The following RERE variants were observed in gnomAD, a reference collection of about 807,000 sequenced individuals.
RERE encodes arginine-glutamic acid dipeptide repeats protein.
In RERE, 40 loss-of-function variants were observed where a neutral mutation model predicts 146.1. The observed-to-expected ratio is 0.27, with a 90% CI of 0.21 to 0.36. RERE has a LOEUF of 0.36. RERE is among the 10% of genes least tolerant of loss of function. The pLI, the probability that RERE is intolerant of heterozygous loss-of-function variation, is 1.00. For synonymous variants in RERE, 1,003 were observed against 866.0 expected, an observed-to-expected ratio of 1.16 and a Z score of -2.78; for missense variants, 1,933 against 2,138.7, an observed-to-expected ratio of 0.90 and a Z score of 1.90.
intron 1 of RERE, among the ~76,000 whole-genome samples, chr1:8,812,908 C>T (rs1005602074): frequency 5.3e-5 from 8 of 151,840 alleles, no homozygotes; most frequent in Admixed American, 5.3e-4. Context: ...AATGTTCTAA[C>T]ACATATTTAA....
At position 8,556,465 on chromosome 1, in the gene RERE, C is replaced by T. The variant is rs1327786778; in HGVS notation, c.725+10G>A. ...TCCTTCACATGGAAGAGCACGTCTC[C>T]AGTACTTACCTAAGGGCAGCAGCAT... On this transcript the variant is annotated intron_variant, in intron 6 of 22. Coordinates refer to ENST00000400908, the MANE Select transcript of RERE (RefSeq NM_001042681.2). The T allele has an allele frequency of 1.3e-6, 2 of 1,523,160 alleles. No homozygotes were observed. Among genetic ancestry groups the T allele is most frequent in the South Asian group, 1.1e-5 (1 of 89,270 alleles). 94.4% of individuals were successfully genotyped at this position (1,523,160 alleles called of 1,614,324 possible). A position where few individuals can be genotyped will look rare whatever the true frequency, so the allele number is the denominator to read the frequency against.
chr1:8,635,773 G>C (rs1010135156), intron 2 of RERE, among the ~76,000 whole-genome samples: 6 of 152,040 alleles, frequency 3.9e-5, no homozygotes, highest in Non-Finnish European at 5.9e-5. Context: ...ATAAGGAAAA[G>C]AATCATAATC....
intron 7 of RERE, among the ~76,000 whole-genome samples, chr1:8,515,697 T>C (rs1645405078): frequency 6.6e-6 from 1 of 152,038 alleles, no homozygotes; most frequent in African/African-American, 2.4e-5. Flanking sequence ...TGCTTGGATG[T>C]ACAATGCTGC....
chr1:8,547,723 A>G (rs369106180), intron 6 of RERE, among the ~76,000 whole-genome samples: 5 of 152,232 alleles, frequency 3.3e-5, no homozygotes, highest in Admixed American at 6.5e-5. Flanking sequence ...AAGACAAAAC[A>G]TTCTATTAGG....
At chr1:8,755,457 A>C (rs570402964) in intron 1 of RERE, among the ~76,000 whole-genome samples, 8 of 152,148 alleles carry the variant, frequency 5.3e-5, no homozygotes, top group Non-Finnish European at 7.4e-5. Context: ...TTGTTTATAC[A>C]AGTTGGGGGG....
intron 11 of RERE, among the ~76,000 whole-genome samples, chr1:8,437,491 A>G (rs1351903589): frequency 6.6e-6 from 1 of 151,578 alleles, no homozygotes; most frequent in African/African-American, 2.4e-5. Context: ...CAGGATGGCT[A>G]TCCCCATGCA....
At chr1:8,522,788 G>A (rs866159593) in intron 7 of RERE, among the ~76,000 whole-genome samples, 7 of 151,570 alleles carry the variant, frequency 4.6e-5, no homozygotes, top group African/African-American at 1.5e-4. Context: ...CAGGCAAATC[G>A]CTTGAACCCA....
At chr1:8,786,235 C>T in intron 1 of RERE, 1 of 946,638 alleles carries the variant, frequency 1.1e-6, no homozygotes, top group Admixed American at 1.7e-5. Flanking sequence ...ATCTGGTCCT[C>T]CCTGTTGCCA....
At chr1:8,767,046 G>A (rs745763195) in intron 1 of RERE, among the ~76,000 whole-genome samples, 4 of 152,124 alleles carry the variant, frequency 2.6e-5, no homozygotes, top group African/African-American at 4.8e-5. Context: ...AGACTAATAT[G>A]ATTTATAAAC....
At chr1:8,796,022 G>A in intron 1 of RERE, among the ~76,000 whole-genome samples, 1 of 148,334 alleles carries the variant, frequency 6.7e-6, no homozygotes, top group Admixed American at 6.7e-5. Context: ...GAATTATGTA[G>A]CATATATAAA....
At chr1:8,642,949 T>C (rs1420966547) in intron 2 of RERE, among the ~76,000 whole-genome samples, 4 of 152,202 alleles carry the variant, frequency 2.6e-5, no homozygotes, top group Admixed American at 6.5e-5. Flanking sequence ...CCTGCGCTAA[T>C]AGGTATCTAG....
intron 1 of RERE, among the ~76,000 whole-genome samples, chr1:8,695,836 C>T (rs952795386): frequency 6.6e-6 from 1 of 152,036 alleles, no homozygotes; most frequent in Non-Finnish European, 1.5e-5. Flanking sequence ...ATGCATCTGA[C>T]AAAGGTCTAA....
intron 1 of RERE, among the ~76,000 whole-genome samples, chr1:8,723,422 A>G (rs1263000303): frequency 6.6e-6 from 1 of 152,180 alleles, no homozygotes; most frequent in Non-Finnish European, 1.5e-5. Context: ...AAAAGAAAAC[A>G]AACTCTAAAA....
intron 1 of RERE, among the ~76,000 whole-genome samples, chr1:8,802,353 T>G: frequency 6.6e-6 from 1 of 152,232 alleles, no homozygotes; most frequent in East Asian, 1.9e-4. Context: ...TGCCTGCATC[T>G]GCTATAAAAC....
At chr1:8,684,212 T>C (rs910713944) in intron 1 of RERE, among the ~76,000 whole-genome samples, 3 of 152,298 alleles carry the variant, frequency 2.0e-5, no homozygotes, top group Admixed American at 6.5e-5. Flanking sequence ...AAATTTTTCA[T>C]GGTTCAAGGT....
rs564574812 is a variant in RERE at position 8,605,745 on chromosome 1, C to CAAAAAAAAAA, written c.522+8806_522+8815dup. On this transcript the variant is annotated intron_variant, in intron 4 of 22. Transcript: ENST00000400908. ...GGGCAACAGAGCAAGACCCCATCTC[C>CAAAAAAAAAA]AAAAAAAAAAAAAAAAAAAAAAAAA... Among the ~76,000 whole-genome samples the CAAAAAAAAAA allele has an allele frequency of 1.4e-3, 90 of 64,530 alleles. 5 individuals carry two copies. The highest frequency in any genetic ancestry group is 4.8e-3 in the African/African-American group (79 of 16,434). The allele number at this position is 64,530 out of a possible 152,430, so 42.3% of individuals were successfully genotyped here.
At chr1:8,691,887 A>G (rs371994993) in intron 1 of RERE, among the ~76,000 whole-genome samples, 6 of 152,200 alleles carry the variant, frequency 3.9e-5, no homozygotes, top group African/African-American at 1.2e-4. Flanking sequence ...AACCTCCTCT[A>G]AGAAGTGCAC....
At chr1:8,693,107 T>C (rs935202994) in intron 1 of RERE, among the ~76,000 whole-genome samples, 1 of 152,076 alleles carries the variant, frequency 6.6e-6, no homozygotes, top group African/African-American at 2.4e-5. Flanking sequence ...TGGTAGCAAG[T>C]ATGTGGAGCA....
rs1056914197 is a variant in RERE at position 8,356,586 on chromosome 1, G to A, written c.4340-340C>T. Among the ~76,000 whole-genome samples the A allele has an allele frequency of 4.6e-5, 7 of 152,190 alleles. No individual in the cohort carries two copies. The highest frequency in any genetic ancestry group is 1.7e-4 in the African/African-American group (7 of 41,446). ...GGCCACCTGGGCCTGCCCTCTGCCT[G>A]TCAGGTCACAGGAACACACAGCCTT... On this transcript the variant is annotated intron_variant, in intron 20 of 22. Transcript: ENST00000400908. The surrounding 1 kb of genome is among the most constrained non-coding windows in gnomAD (Gnocchi z 5.2).
Sources: gnomAD v4.1 joint callset for allele counts (sites outside exome capture counted in the v4.1 genomes callset) on GRCh38, gnomAD v4.1.1 for gene constraint, Gnocchi (gnomAD v3.1) non-coding constraint, MANE v1.5 for transcripts, NCBI Gene and HGNC (gene_info 2026-07-23, HGNC 2026-07-21) for gene names.